TMEM108: variants seen among roughly 807,000 people sequenced by gnomAD.
TMEM108 encodes transmembrane protein 108.
Under a neutral mutation model 35.1 loss-of-function variants are expected in TMEM108, and 12 were observed. The observed-to-expected ratio is 0.34, with a 90% CI of 0.22 to 0.55. The LOEUF (loss-of-function observed/expected upper bound fraction) is 0.55, where lower values mean the gene tolerates loss of function less well. Ranked by LOEUF, TMEM108 falls within the 20% of genes least tolerant of loss-of-function variation. The pLI is 0.89. For synonymous variants in TMEM108, 287 were observed against 308.6 expected (o/e 0.93, Z 0.73); for missense variants, 680 against 753.3 (o/e 0.90, Z 1.14).
chr3:133,170,524 A>G (rs1945114734), intron 2 of TMEM108, among the ~76,000 whole-genome samples: 4 of 152,214 alleles, frequency 2.6e-5, no homozygotes, highest in Admixed American at 2.6e-4. Context: ...TTGTAAAAAT[A>G]CTTAGTTTAA....
At chr3:133,252,781 C>A (rs1443836848) in intron 3 of TMEM108, among the ~76,000 whole-genome samples, 1 of 152,168 alleles carries the variant, frequency 6.6e-6, no homozygotes, top group African/African-American at 2.4e-5. Context: ...GAGGCTTAGA[C>A]TAGGTGATCT....
chr3:133,181,036 A>AAAAAAAAC (rs1945335479), intron 2 of TMEM108, among the ~76,000 whole-genome samples: 2 of 130,902 alleles, frequency 1.5e-5, no homozygotes, highest in Non-Finnish European at 3.3e-5. Context: ...AAAAAAAAAA[A>AAAAAAAAC]AACAGCACTC....
At chr3:133,281,556 G>A (rs981490126) in intron 3 of TMEM108, among the ~76,000 whole-genome samples, 3 of 152,180 alleles carry the variant, frequency 2.0e-5, no homozygotes, top group East Asian at 1.9e-4. Context: ...GTTACGTCAC[G>A]TGGCTAAAAA....
chr3:133,139,818 A>G (rs941670038), intron 2 of TMEM108, among the ~76,000 whole-genome samples: 9 of 152,086 alleles, frequency 5.9e-5, no homozygotes, highest in Non-Finnish European at 8.8e-5. Context: ...CCACTGTGAC[A>G]TCTCTTATTT....
chr3:133,154,489 A>G (rs1035321862), intron 2 of TMEM108, among the ~76,000 whole-genome samples: 2 of 152,214 alleles, frequency 1.3e-5, no homozygotes, highest in African/African-American at 4.8e-5. Flanking sequence ...AGACTGGATT[A>G]AGAAAATGTG....
intron 2 of TMEM108, among the ~76,000 whole-genome samples, chr3:133,125,565 G>T (rs1407135532): frequency 6.6e-6 from 1 of 152,088 alleles, no homozygotes; most frequent in East Asian, 1.9e-4. Flanking sequence ...GGTAGGTGGG[G>T]GTAGTATCAG....
At chr3:133,388,225 A>G (rs543838595) in intron 4 of TMEM108, 1 of 985,492 alleles carries the variant, frequency 1.0e-6, no homozygotes, top group Non-Finnish European at 1.2e-6. Context: ...GTGTTTCACC[A>G]TGCCAGCTGC....
At chr3:133,294,378 GA>G (rs1947114496) in intron 3 of TMEM108, among the ~76,000 whole-genome samples, 1 of 152,140 alleles carries the variant, frequency 6.6e-6, no homozygotes, top group African/African-American at 2.4e-5. Flanking sequence ...TTAGGGTTGA[GA>G]AGCTAAAGAA....
At chr3:133,063,485 T>C (rs1171991588) in intron 2 of TMEM108, among the ~76,000 whole-genome samples, 1 of 151,724 alleles carries the variant, frequency 6.6e-6, no homozygotes, top group Non-Finnish European at 1.5e-5. Context: ...AGAGGTGGAG[T>C]GAGCAGTGGG....
chr3:133,333,353 T>G (rs2071422385), intron 3 of TMEM108, among the ~76,000 whole-genome samples: 1 of 144,476 alleles, frequency 6.9e-6, no homozygotes, highest in Non-Finnish European at 1.5e-5. Context: ...TGCTTATCCA[T>G]TCCCTGGCCC....
intron 2 of TMEM108, among the ~76,000 whole-genome samples, chr3:133,164,342 AAC>A (rs1945005150): frequency 6.6e-6 from 1 of 152,200 alleles, no homozygotes; most frequent in Non-Finnish European, 1.5e-5. Flanking sequence ...CCGATGCTTT[AAC>A]ACAGTTTCTA....
chr3:133,165,684 G>C (rs1945026861), intron 2 of TMEM108, among the ~76,000 whole-genome samples: 1 of 152,190 alleles, frequency 6.6e-6, no homozygotes, highest in African/African-American at 2.4e-5. Context: ...AGGCTGAGAA[G>C]CCTGCCTCTG....
intron 2 of TMEM108, among the ~76,000 whole-genome samples, chr3:133,188,281 A>G (rs1425568108): frequency 6.6e-6 from 1 of 152,174 alleles, no homozygotes; most frequent in East Asian, 1.9e-4. Flanking sequence ...CTCCTCATAT[A>G]AATGATGAAT....
chr3:133,376,729 G>A (rs989657282), intron 3 of TMEM108, among the ~76,000 whole-genome samples: 1 of 152,208 alleles, frequency 6.6e-6, no homozygotes, highest in African/African-American at 2.4e-5. Flanking sequence ...CCCTCAGATT[G>A]GTTTTCCCTG....
At chr3:133,211,919 T>TATTTC (rs1442606284) in intron 2 of TMEM108, among the ~76,000 whole-genome samples, 5 of 152,194 alleles carry the variant, frequency 3.3e-5, no homozygotes, top group African/African-American at 4.8e-5. Context: ...CAACCTCCTT[T>TATTTC]ATTTTATTTT....
rs183189119 is a variant in TMEM108, at chr3:133,321,715, T to C, written c.41-58037T>C. Among the ~76,000 whole-genome samples the C allele has an allele frequency of 3.6e-3, 552 of 152,226 alleles. 4 individuals carry two copies. Among genetic ancestry groups the C allele is most frequent in the African/African-American group, 0.012 (505 of 41,550 alleles). ...TTTACAGAACATTCTACCCAATAAC[T>C]GCAGAATATACATTCTTTTCATCAT... is the stretch of plus-strand genomic sequence containing the variant. On this transcript the variant is annotated intron_variant, in intron 3 of 5. Transcript: ENST00000321871.
At chr3:133,237,620 A>G (rs1946257347) in intron 3 of TMEM108, among the ~76,000 whole-genome samples, 1 of 152,112 alleles carries the variant, frequency 6.6e-6, no homozygotes. Context: ...TTCTTTTTCC[A>G]ACTATACATA....
chr3:133,321,825 G>C (rs1347073856), intron 3 of TMEM108, among the ~76,000 whole-genome samples: 2 of 152,050 alleles, frequency 1.3e-5, no homozygotes, highest in Non-Finnish European at 2.9e-5. Context: ...ATTATACCAA[G>C]TGCCCTCTCA....
chr3:133,245,772 C>T (rs1946377282), intron 3 of TMEM108, among the ~76,000 whole-genome samples: 2 of 152,234 alleles, frequency 1.3e-5, no homozygotes, highest in Middle Eastern at 3.4e-3. Context: ...TCTAGGTTGG[C>T]CCAGTCTAAT....
Sources: gnomAD v4.1 joint callset for allele counts (sites outside exome capture counted in the v4.1 genomes callset) on GRCh38, gnomAD v4.1.1 for gene constraint, MANE v1.5 for transcripts, NCBI Gene and HGNC (gene_info 2026-07-23, HGNC 2026-07-21) for gene names.